Variants in ADGRL2 observed in about 807,000 individuals in gnomAD.
ADGRL2 encodes the protein adhesion G protein-coupled receptor L2.
ADGRL2 carries 44 observed loss-of-function variants against 157.4 expected under a neutral mutation model. The ratio of observed to expected loss-of-function variants is 0.28; its 90% CI spans 0.22 to 0.36. The LOEUF (loss-of-function observed/expected upper bound fraction) is 0.36, where lower values mean the gene tolerates loss of function less well. Ranked by LOEUF, ADGRL2 falls within the 10% of genes least tolerant of loss-of-function variation. ADGRL2 has a pLI of 1.00. For synonymous variants in ADGRL2, 585 were observed against 624.7 expected (o/e 0.94, Z 0.95); for missense variants, 1,510 against 1,768.9 (o/e 0.85, Z 2.63).
chr1:81,546,563 G>A (rs182040929), intron 2 of ADGRL2, among the ~76,000 whole-genome samples: 12 of 152,260 alleles, frequency 7.9e-5, no homozygotes, highest in African/African-American at 2.6e-4. Context: ...AAGAAATGGC[G>A]CTTATTTCTT....
chr1:81,591,389 C>G (rs923807154), intron 3 of ADGRL2, among the ~76,000 whole-genome samples: 1 of 152,176 alleles, frequency 6.6e-6, no homozygotes, highest in Non-Finnish European at 1.5e-5. Flanking sequence ...AGTTCTTCCA[C>G]TTCTGCAAAT....
chr1:81,900,509 T>C (rs1185045294), intron 2 of ADGRL2, among the ~76,000 whole-genome samples: 3 of 146,184 alleles, frequency 2.1e-5, no homozygotes, highest in African/African-American at 7.7e-5. Flanking sequence ...CCCAGCAGTG[T>C]TGTCAATGAA....
intron 1 of ADGRL2, among the ~76,000 whole-genome samples, chr1:81,349,362 T>C (rs565758874): frequency 3.8e-4 from 58 of 152,314 alleles, no homozygotes; most frequent in Non-Finnish European, 6.0e-4. Context: ...CTTCTATTCA[T>C]GTTGTCTTAG....
At chr1:81,618,301 G>T (rs931749908) in intron 3 of ADGRL2, among the ~76,000 whole-genome samples, 4 of 152,106 alleles carry the variant, frequency 2.6e-5, no homozygotes, top group Non-Finnish European at 5.9e-5. Context: ...GGTTTTGTGG[G>T]TGTATTGCAC....
intron 1 of ADGRL2, among the ~76,000 whole-genome samples, chr1:81,344,295 A>G (rs1662303589): frequency 6.6e-6 from 1 of 152,166 alleles, no homozygotes; most frequent in Non-Finnish European, 1.5e-5. Flanking sequence ...GTATTTATAA[A>G]CAGAAATGGC....
chr1:81,852,020 T>G (rs2093031050), intron 2 of ADGRL2, among the ~76,000 whole-genome samples: 1 of 151,974 alleles, frequency 6.6e-6, no homozygotes, highest in South Asian at 2.1e-4. Flanking sequence ...TATTCTAGCT[T>G]CAAGTACTTG....
chr1:81,426,611 A>G (rs2077221561), intron 1 of ADGRL2: 1 of 478,788 alleles, frequency 2.1e-6, no homozygotes, highest in Non-Finnish European at 4.1e-6. Context: ...ATAGTTTAAG[A>G]GAACATTTGG....
At chr1:81,503,365 C>T in intron 2 of ADGRL2, 2 of 1,613,980 alleles carry the variant, frequency 1.2e-6, no homozygotes, top group South Asian at 1.1e-5. Context: ...TCCCCAGAGC[C>T]TCGGCAGCAG....
chr1:81,975,317 C>T (rs1659900866), intron 17 of ADGRL2, among the ~76,000 whole-genome samples: 1 of 152,104 alleles, frequency 6.6e-6, no homozygotes, highest in African/African-American at 2.4e-5. Context: ...TGTAACTCCA[C>T]CTTTTTCCTT....
At chr1:81,630,970 C>G (rs1164991299) in intron 3 of ADGRL2, among the ~76,000 whole-genome samples, 1 of 152,048 alleles carries the variant, frequency 6.6e-6, no homozygotes, top group African/African-American at 2.4e-5. Context: ...AAATACGAAG[C>G]TACAAAACCT....
chr1:81,845,683 ATTTT>A (rs61432254), intron 2 of ADGRL2, among the ~76,000 whole-genome samples: 1 of 144,538 alleles, frequency 6.9e-6, no homozygotes, highest in Non-Finnish European at 1.5e-5. Context: ...TACTTTTCTT[ATTTT>A]TTTTTTTACA....
At chr1:81,785,281 C>CTT (rs2086991652) in intron 2 of ADGRL2, among the ~76,000 whole-genome samples, 2 of 151,830 alleles carry the variant, frequency 1.3e-5, no homozygotes, top group Admixed American at 1.3e-4. Flanking sequence ...GATTCAAAGA[C>CTT]GTATAAAACT....
intron 1 of ADGRL2, among the ~76,000 whole-genome samples, chr1:81,406,558 C>T (rs1445619205): frequency 6.6e-6 from 1 of 152,192 alleles, no homozygotes; most frequent in Non-Finnish European, 1.5e-5. Flanking sequence ...CGCAGCCATC[C>T]ATCCAGCCTC....
At position 81,616,435 on chromosome 1, in the gene ADGRL2, C is replaced by T. The variant is rs183412574; in HGVS notation, c.-143+35455C>T. On this transcript the variant is annotated intron_variant, in intron 3 of 24. Coordinates refer to the ADGRL2 transcript ENST00000370721. ...TGGTCACTGGTTGCCTATTGGGGCT[C>T]GATTTCTTCTCTCAGGTACTGAGCC... 2.1e-3 allele frequency among the ~76,000 whole-genome samples: 318 copies of T among 152,224 alleles called. 1 individual carries two copies. The highest frequency in any genetic ancestry group is 7.4e-3 in the African/African-American group (307 of 41,536).
chr1:81,800,867 C>G (rs2087953037), upstream of ADGRL2, among the ~76,000 whole-genome samples: 1 of 149,814 alleles, frequency 6.7e-6, no homozygotes, highest in African/African-American at 2.4e-5. Context: ...GGAGCGCGAA[C>G]CGACTGGGAG....
At chr1:81,846,458 T>C (rs2092793717) in intron 2 of ADGRL2, among the ~76,000 whole-genome samples, 1 of 151,254 alleles carries the variant, frequency 6.6e-6, no homozygotes, top group African/African-American at 2.4e-5. Flanking sequence ...ATTTTAGGAA[T>C]TTTGGAGTTT....
rs550008770 is a variant in ADGRL2 at position 81,555,469 on chromosome 1, A to G, written c.-247-25407A>G. 5.8e-4 allele frequency among the ~76,000 whole-genome samples: 88 copies of G among 151,908 alleles called. 2 individuals are homozygous for G. Among genetic ancestry groups the G allele is most frequent in the South Asian group, 3.9e-3 (19 of 4,812 alleles). On this transcript the variant is annotated intron_variant, in intron 2 of 24. Transcript: ENST00000370721. ...TTTTTAGTAGAGATGGTGTTTCACC[A>G]TATTGGCCAGTCTGGTCTCAAACTC...
rs112530287 is a variant in ADGRL2 at position 81,716,651 on chromosome 1, C to T, written c.-143+16843C>T. On this transcript the variant is annotated intron_variant, in intron 1 of 20. Transcript: ENST00000359929. ...CAGGGTCATATAAAAGAGCTATACA[C>T]CACCACCACCATCAACAACAAAATC... is the stretch of plus-strand genomic sequence containing the variant. Among the ~76,000 whole-genome samples, 559 of 152,148 alleles carry T rather than the reference C, an allele frequency of 3.7e-3. 6 individuals carry two copies. Among genetic ancestry groups the T allele is most frequent in the African/African-American group, 0.012 (517 of 41,510 alleles).
chr1:81,540,929 T>A (rs1224854747), intron 2 of ADGRL2, among the ~76,000 whole-genome samples: 2 of 151,776 alleles, frequency 1.3e-5, no homozygotes, highest in Non-Finnish European at 2.9e-5. Context: ...AAAAAAAAAA[T>A]ACCTGTATAA....
Sources: allele counts gnomAD v4.1 joint callset (sites outside exome capture counted in the v4.1 genomes callset), GRCh38; gene constraint gnomAD v4.1.1; transcripts MANE v1.5; gene names NCBI Gene and HGNC (gene_info 2026-07-23, HGNC 2026-07-21).